The following COL25A1 variants were observed in gnomAD, a reference collection of about 807,000 sequenced individuals.
COL25A1 encodes collagen type XXV alpha 1 chain, also known as collagen alpha-1(XXV) chain.
COL25A1 carries 103 observed loss-of-function variants against 128.4 expected under a neutral mutation model. The ratio of observed to expected loss-of-function variants is 0.80; its 90% confidence interval spans 0.68 to 0.94. COL25A1 has a LOEUF of 0.94. Among genes scored for constraint, COL25A1 ranks in the 40% least tolerant of loss-of-function variants. The pLI is 0.00. For synonymous variants in COL25A1, 279 were observed against 277.2 expected, an observed-to-expected ratio of 1.01 and a Z score of -0.06; for missense variants, 745 against 840.0, an observed-to-expected ratio of 0.89 and a Z score of 1.40.
chr4:108,974,449 A>T, intron 7 of COL25A1, 56 bp from the exon 8 acceptor site: 1 of 1,608,964 alleles, frequency 6.2e-7, no homozygotes. Context: ...CATGATGTTC[A>T]TTAAAAAGAT....
intron 3 of COL25A1, among the ~76,000 whole-genome samples, chr4:109,194,658 T>C (rs143491314): frequency 3.7e-4 from 56 of 152,312 alleles, no homozygotes; most frequent in African/African-American, 1.2e-3. Context: ...ATTCTAGATA[T>C]ATACTTTGTT....
chr4:109,230,089 T>A (rs1008951247), intron 3 of COL25A1, among the ~76,000 whole-genome samples: 7 of 152,102 alleles, frequency 4.6e-5, no homozygotes, highest in African/African-American at 1.7e-4. Context: ...CACGAAGCCA[T>A]GAGGGATCCG....
chr4:108,937,875 G>T, intron 10 of COL25A1, 32 bp from the exon 11 acceptor site: 1 of 1,555,664 alleles, frequency 6.4e-7, no homozygotes, highest in Non-Finnish European at 8.7e-7. Flanking sequence ...TTTTAGTAAC[G>T]CTGTAAGTAT....
At chr4:108,964,154 TAATC>T (rs1751047502) in intron 8 of COL25A1, among the ~76,000 whole-genome samples, 1 of 150,798 alleles carries the variant, frequency 6.6e-6, no homozygotes, top group Non-Finnish European at 1.5e-5. Context: ...ATAATGTAAA[TAATC>T]AAATAATTAT....
At chr4:108,956,390 T>G (rs1171377358) in intron 8 of COL25A1, among the ~76,000 whole-genome samples, 1 of 152,052 alleles carries the variant, frequency 6.6e-6, no homozygotes, top group East Asian at 1.9e-4. Context: ...GACTGATCCG[T>G]TTAATACATG....
chr4:109,239,388 G>GTA (rs1303125158), intron 3 of COL25A1, among the ~76,000 whole-genome samples: 17 of 90,170 alleles, frequency 1.9e-4, no homozygotes, highest in African/African-American at 7.0e-4. Flanking sequence ...GTGTGTGTGT[G>GTA]TGTGTGTATA....
chr4:109,034,708 C>A lies in COL25A1; in HGVS notation c.420+13460G>T, dbSNP rs970718945. On this transcript the variant is annotated intron_variant, in intron 5 of 37. Transcript: ENST00000399132. Reference sequence around the variant, plus strand: ...CAGGAAAATATCCTTCTGAAAGATTCTTTTTATCTACTTAGCAGAAAAGTT... The same window carrying A: ...CAGGAAAATATCCTTCTGAAAGATTATTTTTATCTACTTAGCAGAAAAGTT... Among the ~76,000 whole-genome samples the A allele has an allele frequency of 2.0e-5, 3 of 152,140 alleles. No individual in the cohort carries two copies. The South Asian group carries it at 6.2e-4, about 31-fold the overall frequency.
At chr4:108,955,520 G>T (rs1457640763) in intron 8 of COL25A1, among the ~76,000 whole-genome samples, 1 of 152,076 alleles carries the variant, frequency 6.6e-6, no homozygotes, top group East Asian at 1.9e-4. Context: ...ATTCTTTGTA[G>T]GATTTCCTTC....
intron 5 of COL25A1, among the ~76,000 whole-genome samples, chr4:109,037,793 T>A (rs1268381674): frequency 6.6e-6 from 1 of 152,206 alleles, no homozygotes; most frequent in African/African-American, 2.4e-5. Flanking sequence ...TTATCAGTCC[T>A]GCCTTCTTCA....
intron 6 of COL25A1, among the ~76,000 whole-genome samples, chr4:108,984,250 T>C (rs1234830811): frequency 1.3e-5 from 2 of 152,150 alleles, no homozygotes; most frequent in Admixed American, 6.5e-5. Flanking sequence ...AGAGTGCCAA[T>C]TGGTGTATTT....
At chr4:109,114,637 G>T (rs952584165) in intron 3 of COL25A1, among the ~76,000 whole-genome samples, 2 of 152,054 alleles carry the variant, frequency 1.3e-5, no homozygotes, top group African/African-American at 4.8e-5. Context: ...TGGAGCATAG[G>T]ATGCAACACA....
intron 32 of COL25A1, among the ~76,000 whole-genome samples, chr4:108,828,568 C>T (rs1732667870): frequency 6.6e-6 from 1 of 152,116 alleles, no homozygotes; most frequent in Non-Finnish European, 1.5e-5. Flanking sequence ...TATTCTTGAA[C>T]ACTTATAAAG....
At chr4:109,269,089 C>G (rs1343568525) in intron 3 of COL25A1, among the ~76,000 whole-genome samples, 8 of 120,658 alleles carry the variant, frequency 6.6e-5, no homozygotes, top group African/African-American at 2.5e-4. Context: ...CCCCTCCCCC[C>G]ACCCCACAAC....
chr4:109,070,628 C>G (rs1413001856), intron 3 of COL25A1, among the ~76,000 whole-genome samples: 1 of 151,742 alleles, frequency 6.6e-6, no homozygotes, highest in Non-Finnish European at 1.5e-5. Context: ...TGTTGGTGTG[C>G]TGCACCCATT....
At chr4:109,121,034 A>G (rs1002561689) in intron 3 of COL25A1, among the ~76,000 whole-genome samples, 3 of 152,050 alleles carry the variant, frequency 2.0e-5, no homozygotes, top group African/African-American at 7.2e-5. Context: ...TCCCATCTTA[A>G]TCTATAGATT....
chr4:108,870,796 A>G (rs540983189), intron 19 of COL25A1, among the ~76,000 whole-genome samples: 1 of 152,350 alleles, frequency 6.6e-6, no homozygotes, highest in South Asian at 2.1e-4. Context: ...GTTAAAGTCA[A>G]TGTGTATCAT....
chr4:108,825,863 A>T (rs556865442), intron 33 of COL25A1, among the ~76,000 whole-genome samples: 48 of 152,168 alleles, frequency 3.2e-4, no homozygotes, highest in African/African-American at 1.1e-3. Flanking sequence ...TAATCCCCAA[A>T]TTTTTTTTAA....
intron 3 of COL25A1, among the ~76,000 whole-genome samples, chr4:109,260,010 A>AT (rs1243071334): frequency 6.6e-6 from 1 of 152,178 alleles, no homozygotes. Flanking sequence ...TCTTTCTCAA[A>AT]TTTTTACTGG....
rs1419266356 is a variant in COL25A1, at chr4:108,902,619, A to C, written c.781-1447T>G. On this transcript the variant is annotated intron_variant, in intron 13 of 37. Coordinates refer to ENST00000399132, the MANE Select transcript of COL25A1 (RefSeq NM_198721.4). ...TAAATATCTACCAGATAAACTAAGC[A>C]ATGTGAAGCTTGTAGTGTCTAGAAT... is the stretch of plus-strand genomic sequence containing the variant. Among the ~76,000 whole-genome samples the C allele has an allele frequency of 4.6e-5, 7 of 152,040 alleles. No individual in the cohort carries two copies. In the East Asian group the frequency reaches 7.7e-4, roughly 17 times the overall value.
Sources: allele counts gnomAD v4.1 joint callset (sites outside exome capture counted in the v4.1 genomes callset), GRCh38; gene constraint gnomAD v4.1.1; transcripts MANE v1.5; gene names NCBI Gene and HGNC (gene_info 2026-07-23, HGNC 2026-07-21).